The following LAMA1 variants were observed in gnomAD, a reference collection of about 807,000 sequenced individuals.
The protein encoded by LAMA1 is laminin subunit alpha-1.
In LAMA1, 219 loss-of-function variants were observed where a neutral mutation model predicts 348.7. The observed-to-expected ratio is 0.63, with a 90% CI of 0.56 to 0.70. The LOEUF is 0.70. Ranked by LOEUF, LAMA1 falls within the 30% of genes least tolerant of loss-of-function variation. LAMA1 has a pLI of 0.00. For synonymous variants in LAMA1, 1,487 were observed against 1,491.0 expected (o/e 1.00, Z 0.06); for missense variants, 3,744 against 3,888.0 (o/e 0.96, Z 0.99).
chr18:6,959,547 GA>G (rs1267679724), intron 53 of LAMA1, 55 bp from the exon 54 acceptor site: 87 of 1,591,342 alleles, frequency 5.5e-5, no homozygotes, highest in Non-Finnish European at 7.2e-5. Context: ...ATATGATTTA[GA>G]AAACTTTCAT....
Position 7,014,029 on chromosome 18 carries a change from C to A in LAMA1, c.3149G>T (p.Gly1050Val). 6.2e-7 allele frequency: 1 copy of A among 1,613,882 alleles called. No individual in the cohort carries two copies. The highest frequency in any genetic ancestry group is 8.5e-7 in the Non-Finnish European group (1 of 1,179,940). Residue 1050 changes from glycine to valine, a missense_variant, in exon 23 of 63, where the codon GGG (glycine) becomes GTG (valine). This residue lies in a region of LAMA1 where 1,529 missense variants were observed against 1,689.4 expected (regional missense o/e 0.91). Coordinates refer to ENST00000389658, the MANE Select transcript of LAMA1 (RefSeq NM_005559.4). ...GCQACNCSLV[G>V]STHHRCDVVT... is the part of the protein sequence containing the mutation. ...CACATCGCACCGATGATGAGTCGAC[C>A]CCACGAGACTGCAATTGCAGGCCTG...
chr18:7,012,500 T>TTA (rs752587838), intron 23 of LAMA1, among the ~76,000 whole-genome samples: 7 of 74,018 alleles, frequency 9.5e-5, no homozygotes, highest in African/African-American at 4.2e-4. Context: ...TATTATTATA[T>TTA]TATTATTATT....
At chr18:7,000,035 A>G in intron 30 of LAMA1, 38 bp from the exon 31 acceptor site, 1 of 1,447,180 alleles carries the variant, frequency 6.9e-7, no homozygotes, top group East Asian at 2.3e-5. Context: ...TTTCAGATAT[A>G]CAATTTCCAT....
intron 1 of LAMA1, among the ~76,000 whole-genome samples, chr18:7,115,822 A>AAAAACAAAC (rs2058353804): frequency 6.7e-6 from 1 of 149,342 alleles, no homozygotes; most frequent in Non-Finnish European, 1.5e-5. Context: ...TACAAAAAAA[A>AAAAACAAAC]AAAAAAAAAA....
At position 7,037,708 on chromosome 18, in the gene LAMA1, G is replaced by A. The variant is rs778212603; in HGVS notation, c.1607C>T (p.Pro536Leu). Reference sequence around the variant, plus strand: ...ATCTTGCTGAGACGGGATCTTCCTGGGACTGATCAAGTCGGTGACCAGCCA... The same window carrying A: ...ATCTTGCTGAGACGGGATCTTCCTGAGACTGATCAAGTCGGTGACCAGCCA... ...SGWLVTDLIS[P>L]RKIPSQQDAL... The change falls in exon 12 of 63, where the codon CCC becomes CTC. Residue 536 changes from proline to leucine, a missense_variant. By Grantham distance (98) the Pro-to-Leu change is moderately conservative (BLOSUM62 -3). This residue lies in a region of LAMA1 where 1,529 missense variants were observed against 1,689.4 expected (regional missense o/e 0.91). Transcript: ENST00000389658. 1 of 1,614,066 alleles carries A rather than the reference G, an allele frequency of 6.2e-7. No individual in the cohort carries two copies.
rs749479566 is a variant in LAMA1, at chr18:7,009,314, T to C, written c.3926A>G (p.Asp1309Gly). The change falls in exon 27 of 63, where the codon GAT (aspartate) becomes GGT (glycine). Residue 1309 changes from aspartate to glycine, a missense_variant. This residue lies in a region of LAMA1 where 1,983 missense variants were observed against 1,934.3 expected (regional missense o/e 1.03). Coordinates refer to ENST00000389658, the MANE Select transcript of LAMA1 (RefSeq NM_005559.4). ...SVSEKPVTRE[D>G]FMSVLSDIEY... The stretch of plus-strand genomic sequence containing the variant: ...AATATCGCTGAGGACAGACATAAAA[T>C]CCTCTCGCGTGACAGGTTTTTCAGA... The C allele has an allele frequency of 8.7e-6, 14 of 1,613,896 alleles. No individual in the cohort carries two copies. Among genetic ancestry groups the C allele is most frequent in the African/African-American group, 1.3e-5 (1 of 74,928 alleles).
chr18:7,068,813 G>A (rs970941883), intron 3 of LAMA1, among the ~76,000 whole-genome samples: 1 of 151,398 alleles, frequency 6.6e-6, no homozygotes, highest in African/African-American at 2.4e-5. Context: ...AAAAAAGCTA[G>A]AATGGATACC....
chr18:6,956,112 T>C (rs28569884), intron 56 of LAMA1: 15,564 of 316,386 alleles, frequency 0.049, 705 homozygotes, highest in African/African-American at 0.12. Flanking sequence ...CAGAAGGTCC[T>C]GCTCTTGAAT....
chr18:7,001,894 ACT>A (rs1040026612), intron 30 of LAMA1, among the ~76,000 whole-genome samples: 2 of 152,148 alleles, frequency 1.3e-5, no homozygotes, highest in African/African-American at 4.8e-5. Context: ...CCTTATATAA[ACT>A]CTAACCCCAT....
Position 7,023,144 on chromosome 18 carries a change from C to T in LAMA1, c.2701+20G>A. The stretch of plus-strand genomic sequence containing the variant: ...CTATGGCAATAAACAGCTGACCTGA[C>T]TTCACGCTCACGCACTCACCGCGGC... On this transcript the variant is annotated intron_variant, in intron 19 of 62. Transcript: ENST00000389658. 1.9e-6 allele frequency: 3 copies of T among 1,606,852 alleles called. No homozygotes were observed. The highest frequency in any genetic ancestry group is 1.3e-5 in the African/African-American group (1 of 74,796).
chr18:7,064,781 A>C (rs1406417757), intron 3 of LAMA1, among the ~76,000 whole-genome samples: 1 of 152,212 alleles, frequency 6.6e-6, no homozygotes, highest in Non-Finnish European at 1.5e-5. Flanking sequence ...AACACAGATA[A>C]ATATCTTCTG....
rs368571345 is a variant in LAMA1 at position 7,048,719 on chromosome 18, A to C, written c.768+359T>G. Among the ~76,000 whole-genome samples, 13 of 152,324 alleles carry C rather than the reference A, an allele frequency of 8.5e-5. 1 individual carries two copies. In the East Asian group the frequency reaches 9.7e-4, roughly 11 times the overall value. On this transcript the variant is annotated intron_variant, in intron 5 of 62. Coordinates refer to ENST00000389658, the MANE Select transcript of LAMA1 (RefSeq NM_005559.4). ...TACTTAAAATCTGTATGCTTTCCTG[A>C]ATGTAAATTATGTCTCAAACTTTAA...
intron 1 of LAMA1, among the ~76,000 whole-genome samples, chr18:7,085,879 A>G (rs2058215306): frequency 6.6e-6 from 1 of 152,220 alleles, no homozygotes; most frequent in Non-Finnish European, 1.5e-5. Flanking sequence ...AACTACAAAT[A>G]GCATGATTTA....
Position 7,067,755 on chromosome 18 carries a change from C to T in LAMA1, c.345+12220G>A, listed in dbSNP as rs576394355. 2.2e-3 allele frequency among the ~76,000 whole-genome samples: 329 copies of T among 152,154 alleles called. 2 individuals carry two copies. The highest frequency in any genetic ancestry group is 3.1e-3 in the Non-Finnish European group (212 of 68,044). On this transcript the variant is annotated intron_variant, in intron 3 of 62. Transcript: ENST00000389658. ...GAATGTACTATGTCAGCTCCACAGA[C>T]ATGCCAGGCTTTCTAATTTCCAGGC...
At chr18:7,030,924 A>T (rs2057966356) in intron 16 of LAMA1, among the ~76,000 whole-genome samples, 1 of 151,604 alleles carries the variant, frequency 6.6e-6, no homozygotes, top group African/African-American at 2.4e-5. Context: ...CACCTCATCA[A>T]GCGGTTGGAA....
At chr18:6,974,036 G>A (rs963179046) in intron 46 of LAMA1, among the ~76,000 whole-genome samples, 6 of 151,918 alleles carry the variant, frequency 3.9e-5, no homozygotes, top group Admixed American at 3.9e-4. Context: ...TCCCACCTCG[G>A]CCTCCCAAAG....
chr18:7,107,414 A>C (rs2058316788), intron 1 of LAMA1, among the ~76,000 whole-genome samples: 1 of 151,930 alleles, frequency 6.6e-6, no homozygotes, highest in African/African-American at 2.4e-5. Context: ...CACCGCCCCC[A>C]GCCAGAAAAC....
intron 60 of LAMA1, 65 bp from the exon 61 acceptor site, chr18:6,947,361 C>T (rs2057526749): frequency 1.2e-6 from 2 of 1,607,638 alleles, no homozygotes; most frequent in East Asian, 2.2e-5. Flanking sequence ...AGCATTTGGC[C>T]TCCTGGCTAG....
At chr18:7,052,943 C>T (rs537008564) in intron 3 of LAMA1, among the ~76,000 whole-genome samples, 8 of 152,050 alleles carry the variant, frequency 5.3e-5, no homozygotes, top group Non-Finnish European at 1.2e-4. Flanking sequence ...TCGCTTGAAC[C>T]CAGGAGGCGG....
Sources: gnomAD v4.1 joint callset for allele counts (sites outside exome capture counted in the v4.1 genomes callset) on GRCh38, gnomAD v4.1.1 for gene constraint, gnomAD v4.1.1 regional missense constraint, MANE v1.5 for transcripts, NCBI Gene and HGNC (gene_info 2026-07-23, HGNC 2026-07-21) for gene names.